SPECC1: variants seen among roughly 807,000 people sequenced by gnomAD.
The protein encoded by SPECC1 is sperm antigen with calponin homology and coiled-coil domains 1, also known as cytospin-B.
In SPECC1, 62 loss-of-function variants were observed where a neutral mutation model predicts 104.1. The observed-to-expected ratio is 0.60, with a 90% CI of 0.49 to 0.74. The LOEUF is 0.74. Among genes scored for constraint, SPECC1 ranks in the 30% least tolerant of loss-of-function variants. The pLI is 0.00. For missense variants in SPECC1, 1,306 were observed against 1,310.5 expected (o/e 1.00, Z 0.05); for synonymous variants, 513 against 501.6 (o/e 1.02, Z -0.30).
At chr17:20,097,896 CT>C (rs1450032992) in intron 2 of SPECC1, among the ~76,000 whole-genome samples, 1 of 152,194 alleles carries the variant, frequency 6.6e-6, no homozygotes, top group Non-Finnish European at 1.5e-5. Flanking sequence ...TCTGAATTTC[CT>C]GTCCTCCTAC....
intron 12 of SPECC1, among the ~76,000 whole-genome samples, chr17:20,284,521 C>T (rs1598140230): frequency 6.6e-6 from 1 of 152,156 alleles, no homozygotes; most frequent in Admixed American, 6.5e-5. Context: ...AGGCAAGGAC[C>T]GAACACTGAA....
At chr17:20,106,249 A>G (rs2048191621) in intron 2 of SPECC1, among the ~76,000 whole-genome samples, 1 of 152,190 alleles carries the variant, frequency 6.6e-6, no homozygotes, top group Admixed American at 6.5e-5. Context: ...AGTGAGTAAT[A>G]GTTTTTCTCT....
intron 1 of SPECC1, among the ~76,000 whole-genome samples, chr17:20,027,906 G>A (rs1369256969): frequency 6.6e-6 from 1 of 152,022 alleles, no homozygotes; most frequent in Non-Finnish European, 1.5e-5. Context: ...CCAGCACAAA[G>A]GTTTTTCATT....
intron 3 of SPECC1, among the ~76,000 whole-genome samples, chr17:20,167,839 A>G (rs2033783086): frequency 6.6e-6 from 1 of 152,248 alleles, no homozygotes; most frequent in Non-Finnish European, 1.5e-5. Flanking sequence ...GGATATAATA[A>G]GATATGTACA....
intron 1 of SPECC1, among the ~76,000 whole-genome samples, chr17:20,042,357 G>A (rs1380274736): frequency 6.6e-6 from 1 of 152,096 alleles, no homozygotes; most frequent in Non-Finnish European, 1.5e-5. Context: ...GTCACCATGG[G>A]GGAAGAGGGA....
intron 3 of SPECC1, among the ~76,000 whole-genome samples, chr17:20,136,814 T>G (rs1036461689): frequency 6.6e-5 from 10 of 152,230 alleles, no homozygotes; most frequent in African/African-American, 2.4e-4. Flanking sequence ...GCACTTGTTT[T>G]ATGATTTCTC....
intron 3 of SPECC1, among the ~76,000 whole-genome samples, chr17:20,166,986 T>C (rs926808073): frequency 2.0e-5 from 3 of 151,860 alleles, no homozygotes; most frequent in Non-Finnish European, 4.4e-5. Flanking sequence ...GTGGCACTGC[T>C]TGTAGTCCCA....
At chr17:20,288,048 T>C (rs528455840) in intron 12 of SPECC1, among the ~76,000 whole-genome samples, 26 of 152,266 alleles carry the variant, frequency 1.7e-4, no homozygotes, top group African/African-American at 6.0e-4. Flanking sequence ...GAACATACTT[T>C]GTTTGGTTTT....
intron 7 of SPECC1, chr17:20,238,606 G>T: frequency 9.6e-7 from 1 of 1,042,520 alleles, no homozygotes; most frequent in East Asian, 5.8e-5. Flanking sequence ...TTAGCTTGGC[G>T]TGAGAAGAGA....
At chr17:20,110,186 C>T (rs1366041563) in intron 2 of SPECC1, among the ~76,000 whole-genome samples, 6 of 152,290 alleles carry the variant, frequency 3.9e-5, no homozygotes, top group Non-Finnish European at 8.8e-5. Context: ...GTATTCTTCA[C>T]GCACAGTCTT....
chr17:20,270,476 G>A (rs906630902), intron 12 of SPECC1, among the ~76,000 whole-genome samples: 7 of 131,910 alleles, frequency 5.3e-5, no homozygotes, highest in Non-Finnish European at 7.8e-5. Context: ...AACATTAGCC[G>A]GCTACGATGG....
At chr17:20,146,625 C>T (rs960711125) in intron 3 of SPECC1, among the ~76,000 whole-genome samples, 8 of 152,204 alleles carry the variant, frequency 5.3e-5, no homozygotes, top group East Asian at 1.9e-4. Flanking sequence ...AAGAAACTGA[C>T]GCTGGGCATG....
At chr17:20,155,386 A>G (rs952739631) in intron 3 of SPECC1, 1 of 152,204 alleles carries the variant, frequency 6.6e-6, no homozygotes, top group African/African-American at 2.4e-5. Context: ...TTAGTCCTAA[A>G]TATTTTTACT....
At chr17:20,245,431 C>G (rs1022206049) in intron 7 of SPECC1, among the ~76,000 whole-genome samples, 4 of 152,072 alleles carry the variant, frequency 2.6e-5, no homozygotes, top group Non-Finnish European at 5.9e-5. Context: ...CCAGGTCTTG[C>G]CCAAGTCTTT....
chr17:20,314,341 A>AC lies in SPECC1; in HGVS notation c.*280dup, dbSNP rs1411733603. The AC allele has an allele frequency of 1.8e-5, 8 of 435,558 alleles. No homozygotes were observed. The highest frequency in any genetic ancestry group is 3.4e-5 in the Non-Finnish European group (8 of 236,646). The allele number at this position is 435,558 out of a possible 1,614,324, so 27.0% of individuals were successfully genotyped here. ...GCAGCCTCCCTCCTTCCAGACCAAG[A>AC]CCCCACACCCAGGCTTGTTTTGCTG... On this transcript the variant is annotated 3_prime_UTR_variant, in exon 15 of 15. Transcript: ENST00000395527.
At chr17:20,236,624 G>GA (rs34647847) in intron 7 of SPECC1, among the ~76,000 whole-genome samples, 106,487 of 150,438 alleles carry the variant, frequency 0.71, 39,476 homozygotes, top group East Asian at 0.99. Flanking sequence ...AGTTCTGGTG[G>GA]AGGAGCCTAG....
At chr17:20,023,122 A>G (rs1219640587) in intron 1 of SPECC1, among the ~76,000 whole-genome samples, 1 of 152,232 alleles carries the variant, frequency 6.6e-6, no homozygotes, top group Non-Finnish European at 1.5e-5. Context: ...GCTATAGAGT[A>G]AATATTTTAG....
Position 20,106,308 on chromosome 17 carries a change from A to G in SPECC1, c.148-4119A>G, listed in dbSNP as rs554606182. ...ATAGACTATGGTCATTTAATATTAA[A>G]CATGTATTATACAGGTGACCTGATG... On this transcript the variant is annotated intron_variant, in intron 2 of 14. Coordinates refer to ENST00000395527, the MANE Select transcript of SPECC1 (RefSeq NM_001243439.2). Among the ~76,000 whole-genome samples the G allele has an allele frequency of 7.2e-5, 11 of 152,292 alleles. No homozygotes were observed. The East Asian group carries it at 1.9e-3, about 27-fold the overall frequency.
At chr17:20,276,279 G>C (rs954265405) in intron 12 of SPECC1, among the ~76,000 whole-genome samples, 2 of 152,020 alleles carry the variant, frequency 1.3e-5, no homozygotes, top group East Asian at 3.9e-4. Flanking sequence ...ACCACACCTG[G>C]CTAATTCTTT....
Sources: gnomAD v4.1 joint callset for allele counts (sites outside exome capture counted in the v4.1 genomes callset) on GRCh38, gnomAD v4.1.1 for gene constraint, MANE v1.5 for transcripts, NCBI Gene and HGNC (gene_info 2026-07-23, HGNC 2026-07-21) for gene names.